Variants in BICDL2 observed in about 807,000 individuals in gnomAD.
BICDL2 encodes the protein BICD family-like cargo adapter 2.
A neutral mutation model predicts 56.6 loss-of-function variants in BICDL2; 62 were observed. That is an observed-to-expected ratio of 1.10 (90% CI 0.89 to 1.35). The LOEUF (loss-of-function observed/expected upper bound fraction) is 1.35, where lower values mean the gene tolerates loss of function less well. Among genes scored for constraint, BICDL2 ranks in the 40% most tolerant of loss-of-function variants. The pLI is 0.00. For missense variants in BICDL2, 808 were observed against 684.5 expected (o/e 1.18, Z -2.01); for synonymous variants, 358 against 319.8 (o/e 1.12, Z -1.27).
chr16:3,035,325 C>T lies in BICDL2; in HGVS notation c.172G>A (p.Glu58Lys), dbSNP rs71386699. 36,573 of 1,586,274 alleles carry T rather than the reference C, an allele frequency of 0.023. 562 individuals are homozygous for T. Among genetic ancestry groups the T allele is most frequent in the Non-Finnish European group, 0.025 (28,658 of 1,166,670 alleles). The change falls in exon 2 of 10, where the codon GAG becomes AAG. Residue 58 changes from glutamate to lysine, a missense_variant. Glu to Lys is a moderately conservative substitution (Grantham distance 56, BLOSUM62 1). Coordinates refer to ENST00000572449, the MANE Select transcript of BICDL2 (RefSeq NM_001369667.1). Reference sequence around the variant, plus strand: ...TCCGCGGCCAACAGCAGGTCTTTCTCCTTCTGCTGCAGCTGCAAGGCTAGG... The same window carrying T: ...TCCGCGGCCAACAGCAGGTCTTTCTTCTTCTGCTGCAGCTGCAAGGCTAGG... ...EDLALQLQQK[E>K]KDLLLAAELG...
intron 2 of BICDL2, among the ~76,000 whole-genome samples, chr16:3,034,299 G>A (rs911471565): frequency 2.0e-5 from 3 of 152,128 alleles, no homozygotes; most frequent in Non-Finnish European, 2.9e-5. Context: ...TGTTTTTTGA[G>A]ATGCAGTCTC....
Position 3,031,154 on chromosome 16 carries a change from T to TG in BICDL2, c.283-5dup. 6.5e-7 allele frequency: 1 copy of TG among 1,534,538 alleles called. No individual in the cohort carries two copies. Among genetic ancestry groups the TG allele is most frequent in the Non-Finnish European group, 8.7e-7 (1 of 1,146,158 alleles). On this transcript the variant is annotated splice_polypyrimidine_tract_variant and splice_region_variant and intron_variant, in intron 2 of 9. Transcript: ENST00000572449. ...CATGGTTCTCCTGCTGGAGCCGCTG[T>TG]GGGGGCCAGGGCAGAGGGACAGAGG...
Position 3,028,114 on chromosome 16 carries a change from T to G in BICDL2, c.1519A>C (p.Arg507=). 7.0e-7 allele frequency: 1 copy of G among 1,430,974 alleles called. No homozygotes were observed. Among genetic ancestry groups the G allele is most frequent in the South Asian group, 1.5e-5 (1 of 65,040 alleles). The allele number at this position is 1,430,974 out of a possible 1,614,324, so 88.6% of individuals were successfully genotyped here. A position where few individuals can be genotyped will look rare whatever the true frequency, so the allele number is the denominator to read the frequency against. Reference sequence around the variant, plus strand: ...CCCTCTGGGCCCAGCCGTCAGGTCCTTCGGAAGAGGTTACTGAGAAAGCCA... The same window carrying G: ...CCCTCTGGGCCCAGCCGTCAGGTCCGTCGGAAGAGGTTACTGAGAAAGCCA... The part of the protein sequence containing the change: ...AGGFLSNLFR[R]T Residue 507 remains arginine (R), a synonymous_variant, in exon 10 of 10, where the codon AGG becomes CGG. Transcript: ENST00000572449.
At chr16:3,030,858 A>G (rs1227204424) in intron 3 of BICDL2, 46 bp from the exon 4 acceptor site, 6 of 1,565,986 alleles carry the variant, frequency 3.8e-6, no homozygotes, top group Non-Finnish European at 5.2e-6. Context: ...CACCAAGCCC[A>G]ATGCACCTAC....
At chr16:3,034,483 T>C (rs1955699791) in intron 2 of BICDL2, among the ~76,000 whole-genome samples, 1 of 152,106 alleles carries the variant, frequency 6.6e-6, no homozygotes, top group South Asian at 2.1e-4. Flanking sequence ...GGTTTCACCA[T>C]GTTGGCCAGG....
intron 2 of BICDL2, among the ~76,000 whole-genome samples, chr16:3,033,267 T>C (rs961257496): frequency 1.3e-5 from 2 of 152,052 alleles, no homozygotes; most frequent in African/African-American, 4.8e-5. Context: ...ATCGCACCAC[T>C]GCACTCCAGC....
rs775653345 is a variant in BICDL2, at chr16:3,029,406, T to C, written c.981A>G (p.Arg327=). Residue 327 remains arginine (R), a synonymous_variant, in exon 7 of 10, where the codon CGA becomes CGG. Transcript: ENST00000572449. ...GTGAAGGCTGGGGGCTGGACGCCTT[T>C]CGGGTCTTTGGGGACCGGGTGGTCT... ...DTPTTRSPKT[R]KASSPQPSPP... 3.1e-6 allele frequency: 5 copies of C among 1,607,012 alleles called. No individual in the cohort carries two copies. Among genetic ancestry groups the C allele is most frequent in the Non-Finnish European group, 4.2e-6 (5 of 1,179,082 alleles).
chr16:3,028,588 A>AG, intron 8 of BICDL2, 112 bp downstream of exon 8: 1 of 1,520,714 alleles, frequency 6.6e-7, no homozygotes, highest in Non-Finnish European at 8.8e-7. Flanking sequence ...CAAGGAGGTC[A>AG]GGGGGCCCCT....
rs754690316 is a variant in BICDL2, at chr16:3,029,377, G to A, written c.1010C>T (p.Pro337Leu). 56 of 1,609,706 alleles carry A rather than the reference G, an allele frequency of 3.5e-5. No homozygotes were observed. The highest frequency in any genetic ancestry group is 2.7e-4 in the South Asian group (25 of 90,924). The change falls in exon 7 of 10, where the codon CCG (proline) becomes CTG (leucine). Residue 337 changes from proline to leucine, a missense_variant. Pro to Leu is a moderately conservative substitution (Grantham distance 98). Coordinates refer to ENST00000572449, the MANE Select transcript of BICDL2 (RefSeq NM_001369667.1). ...RKASSPQPSPPEEILEPPKKR... is the reference protein window; with the variant it reads ...RKASSPQPSPLEEILEPPKKR... Reference sequence around the variant, plus strand: ...CTTGGGGGGCTCTAAGATCTCTTCCGGGGGTGAAGGCTGGGGGCTGGACGC... The same window carrying A: ...CTTGGGGGGCTCTAAGATCTCTTCCAGGGGTGAAGGCTGGGGGCTGGACGC...
intron 2 of BICDL2, chr16:3,031,427 G>A: frequency 3.7e-6 from 2 of 543,112 alleles, no homozygotes; most frequent in Admixed American, 6.6e-5. Flanking sequence ...TGCTGCCGGG[G>A]CTTCTGGACC....
At chr16:3,034,290 G>GT (rs1357153068) in intron 2 of BICDL2, among the ~76,000 whole-genome samples, 1 of 152,030 alleles carries the variant, frequency 6.6e-6, no homozygotes, top group East Asian at 1.9e-4. Flanking sequence ...GTTTGTTTTT[G>GT]TTTTTTGAGA....
chr16:3,028,071 C>T lies in BICDL2; in HGVS notation c.*35G>A, dbSNP rs1190493092. 1.4e-6 allele frequency: 2 copies of T among 1,398,796 alleles called. No individual in the cohort carries two copies. Among genetic ancestry groups the T allele is most frequent in the East Asian group, 3.0e-5 (1 of 33,602 alleles). 86.6% of individuals were successfully genotyped at this position (1,398,796 alleles called of 1,614,324 possible). On this transcript the variant is annotated 3_prime_UTR_variant, in exon 10 of 10. Transcript: ENST00000572449. ...TTGGCCTGAAGAGGAAAGTGAGCCCCTAAGTGGGCAAGGGCAGCCCTCTGG... is the reference window on the plus strand; with the variant it reads ...TTGGCCTGAAGAGGAAAGTGAGCCCTTAAGTGGGCAAGGGCAGCCCTCTGG...
intron 8 of BICDL2, 53 bp downstream of exon 8, chr16:3,028,647 G>T: frequency 6.5e-7 from 1 of 1,543,356 alleles, no homozygotes; most frequent in Admixed American, 2.0e-5. Context: ...GGAATCAGGA[G>T]CCCAGGAGGG....
rs751563787 is a variant in BICDL2 at position 3,029,748 on chromosome 16, G to A, written c.763-9C>T. On this transcript the variant is annotated splice_polypyrimidine_tract_variant and intron_variant, in intron 5 of 9. Coordinates refer to ENST00000572449, the MANE Select transcript of BICDL2 (RefSeq NM_001369667.1). ...GACCGTGCGCGTTCCAGCTGTGGACGGTCCCGCAGACGGAAGCGCGGGCGG... is the reference window on the plus strand; with the variant it reads ...GACCGTGCGCGTTCCAGCTGTGGACAGTCCCGCAGACGGAAGCGCGGGCGG... The A allele has an allele frequency of 4.8e-6, 7 of 1,466,802 alleles. No individual in the cohort carries two copies. Among genetic ancestry groups the A allele is most frequent in the African/African-American group, 3.0e-5 (2 of 67,170 alleles). 90.9% of individuals were successfully genotyped at this position (1,466,802 alleles called of 1,614,324 possible).
In BICDL2 at chr16:3,028,217, C is replaced by T. The variant is rs372816118; in HGVS notation, c.1416G>A (p.Leu472=). The part of the protein sequence containing the change: ...QQLRSQRQKE[L]SASASSSTPR... ...GGGTCGACGACGACGCGGAGGCGCTCAGCTCCTTCTGGCGCTGTGAGCGCA... is the reference window on the plus strand; with the variant it reads ...GGGTCGACGACGACGCGGAGGCGCTTAGCTCCTTCTGGCGCTGTGAGCGCA... Residue 472 remains leucine, a synonymous_variant, in exon 10 of 10, where the codon CTG becomes CTA. Transcript: ENST00000572449. The T allele has an allele frequency of 3.4e-6, 5 of 1,472,864 alleles. No individual in the cohort carries two copies. Among genetic ancestry groups the T allele is most frequent in the South Asian group, 1.4e-5 (1 of 70,588 alleles). The allele number at this position is 1,472,864 out of a possible 1,614,324, so 91.2% of individuals were successfully genotyped here.
rs752028399 is a variant in BICDL2 at position 3,035,445 on chromosome 16, C to T, written c.52G>A (p.Ala18Thr). Residue 18 changes from alanine (A) to threonine (T), a missense_variant, in exon 2 of 10, where the codon GCC becomes ACC. Ala to Thr is a moderately conservative substitution (Grantham distance 58). Coordinates refer to ENST00000572449, the MANE Select transcript of BICDL2 (RefSeq NM_001369667.1). ...AAGCCCTCGTCGCCGCTGGGAGAGG[C>T]GCCCCCTGAGAGCGGCCCGGACGGG... is the stretch of plus-strand genomic sequence containing the variant. ...SFPSGPLSGG[A>T]SPSGDEGFFP... The T allele has an allele frequency of 6.2e-6, 10 of 1,612,062 alleles. No homozygotes were observed. The highest frequency in any genetic ancestry group is 4.5e-5 in the East Asian group (2 of 44,876).
Position 3,030,441 on chromosome 16 carries a change from C to A in BICDL2, c.762+8G>T. ...AGGCAGTTGTAGTCCCCCAGCCCTGCAGGTCACCTCCAGGCTGTGCTCCCG... is the reference window on the plus strand; with the variant it reads ...AGGCAGTTGTAGTCCCCCAGCCCTGAAGGTCACCTCCAGGCTGTGCTCCCG... On this transcript the variant is annotated splice_region_variant and intron_variant, in intron 5 of 9. Coordinates refer to ENST00000572449, the MANE Select transcript of BICDL2 (RefSeq NM_001369667.1). The A allele has an allele frequency of 6.3e-7, 1 of 1,597,194 alleles. No individual in the cohort carries two copies.
chr16:3,030,532 C>A lies in BICDL2; in HGVS notation c.679G>T (p.Val227Leu), dbSNP rs764331704. Residue 227 changes from valine (V) to leucine (L), a missense_variant, in exon 5 of 10, where the codon GTG (valine) becomes TTG (leucine). Val to Leu is a conservative substitution (Grantham distance 32). Coordinates refer to ENST00000572449, the MANE Select transcript of BICDL2 (RefSeq NM_001369667.1). The stretch of plus-strand genomic sequence containing the variant: ...TGCAGTCTGCCCTCACCCTTCTCCA[C>A]CTCCTCACGCAGGCCTCGGATCTGG... ...EAQIRGLREE[V>L]EKGEGRLQTT... The A allele has an allele frequency of 1.9e-6, 3 of 1,601,600 alleles. No individual in the cohort carries two copies. The highest frequency in any genetic ancestry group is 2.7e-5 in the African/African-American group (2 of 74,874).
chr16:3,029,708 G>A lies in BICDL2; in HGVS notation c.794C>T (p.Ala265Val), dbSNP rs958349048. The A allele has an allele frequency of 1.9e-6, 3 of 1,539,256 alleles. No individual in the cohort carries two copies. The highest frequency in any genetic ancestry group is 2.6e-6 in the Non-Finnish European group (3 of 1,149,856). ...CTGCAGCCTCCGCAGCGCACTCAGC[G>A]CCTCCCCAGCCTCTGACCGTGCGCG... ...LERARSEAGE[A>V]LSALRRLQRR... Residue 265 changes from alanine (A) to valine (V), a missense_variant, in exon 6 of 10, where the codon GCG becomes GTG. Physicochemically the swap from Ala to Val is moderately conservative, Grantham distance 64. Coordinates refer to ENST00000572449, the MANE Select transcript of BICDL2 (RefSeq NM_001369667.1).
Sources: gnomAD v4.1 joint callset for allele counts (sites outside exome capture counted in the v4.1 genomes callset) on GRCh38, gnomAD v4.1.1 for gene constraint, MANE v1.5 for transcripts, NCBI Gene and HGNC (gene_info 2026-07-23, HGNC 2026-07-21) for gene names.